KCTD8: variants seen among roughly 807,000 people sequenced by gnomAD.
The protein encoded by KCTD8 is BTB/POZ domain-containing protein KCTD8.
A neutral mutation model predicts 31.5 loss-of-function variants in KCTD8; 27 were observed. That is an observed-to-expected ratio of 0.86 (90% CI 0.63 to 1.18). The LOEUF is 1.18. KCTD8 is among the 50% of genes most tolerant of loss of function. KCTD8 has a pLI of 0.00. For synonymous variants in KCTD8, 290 were observed against 280.0 expected, an observed-to-expected ratio of 1.04 and a Z score of -0.36; for missense variants, 658 against 647.7, an observed-to-expected ratio of 1.02 and a Z score of -0.17.
At chr4:44,289,314 A>G (rs1299976128) in intron 1 of KCTD8, among the ~76,000 whole-genome samples, 2 of 152,062 alleles carry the variant, frequency 1.3e-5, no homozygotes, top group African/African-American at 4.8e-5. Context: ...TCAAAGAAAC[A>G]AAAGTATAAG....
chr4:44,408,239 T>A (rs1406735647), intron 1 of KCTD8, among the ~76,000 whole-genome samples: 3 of 152,188 alleles, frequency 2.0e-5, no homozygotes, highest in Non-Finnish European at 4.4e-5. Flanking sequence ...AGTATTAGCA[T>A]GGACAAGTGA....
intron 1 of KCTD8, among the ~76,000 whole-genome samples, chr4:44,259,327 A>G (rs1230490039): frequency 6.6e-6 from 1 of 151,930 alleles, no homozygotes; most frequent in Non-Finnish European, 1.5e-5. Context: ...TCCTTCAAAT[A>G]TAATCAGCCG....
intron 1 of KCTD8, among the ~76,000 whole-genome samples, chr4:44,307,163 T>C (rs1717828583): frequency 6.6e-6 from 1 of 152,020 alleles, no homozygotes; most frequent in African/African-American, 2.4e-5. Flanking sequence ...CTAGTCAAAA[T>C]GCACCATATC....
chr4:44,423,649 C>A (rs1024048427), intron 1 of KCTD8, among the ~76,000 whole-genome samples: 7 of 151,934 alleles, frequency 4.6e-5, no homozygotes, highest in South Asian at 4.2e-4. Flanking sequence ...GGAAAGTTAA[C>A]AGGAAATAAA....
At chr4:44,370,729 A>G (rs1448374664) in intron 1 of KCTD8, among the ~76,000 whole-genome samples, 2 of 152,206 alleles carry the variant, frequency 1.3e-5, no homozygotes, top group Admixed American at 6.5e-5. Context: ...CCCACAGGCC[A>G]TAATTGAGTT....
chr4:44,385,518 G>C (rs1720188474), intron 1 of KCTD8, among the ~76,000 whole-genome samples: 1 of 151,492 alleles, frequency 6.6e-6, no homozygotes, highest in South Asian at 2.1e-4. Context: ...AAAGAGTTTG[G>C]ACCTTTACCT....
chr4:44,342,259 C>A (rs1014421030), intron 1 of KCTD8, among the ~76,000 whole-genome samples: 3 of 151,300 alleles, frequency 2.0e-5, no homozygotes, highest in African/African-American at 7.3e-5. Context: ...GTCCCAGCTA[C>A]TCTGGAGGCT....
intron 1 of KCTD8, among the ~76,000 whole-genome samples, chr4:44,217,528 G>A (rs182323317): frequency 6.6e-6 from 1 of 152,148 alleles, no homozygotes; most frequent in Non-Finnish European, 1.5e-5. Context: ...CTAGATAGCT[G>A]GTGAAGTATT....
chr4:44,182,486 A>AC (rs956365203), intron 1 of KCTD8, among the ~76,000 whole-genome samples: 1 of 152,144 alleles, frequency 6.6e-6, no homozygotes, highest in Non-Finnish European at 1.5e-5. Flanking sequence ...CTATGACCTT[A>AC]CCCCCAACCA....
At chr4:44,410,162 C>G (rs867636233) in intron 1 of KCTD8, among the ~76,000 whole-genome samples, 1 of 152,020 alleles carries the variant, frequency 6.6e-6, no homozygotes, top group Non-Finnish European at 1.5e-5. Flanking sequence ...GGCTATAAAA[C>G]AGCAAAAATA....
intron 1 of KCTD8, among the ~76,000 whole-genome samples, chr4:44,231,357 T>G (rs1470956771): frequency 6.6e-6 from 1 of 152,178 alleles, no homozygotes; most frequent in Admixed American, 6.6e-5. Flanking sequence ...CACTGTAAGC[T>G]TGGAAATAAT....
At chr4:44,272,403 T>A (rs1366898835) in intron 1 of KCTD8, among the ~76,000 whole-genome samples, 2 of 151,994 alleles carry the variant, frequency 1.3e-5, no homozygotes, top group African/African-American at 4.8e-5. Context: ...CCATCGCTCA[T>A]ACTTAATTAT....
chr4:44,359,752 C>A (rs988283204), intron 1 of KCTD8, among the ~76,000 whole-genome samples: 4 of 151,994 alleles, frequency 2.6e-5, no homozygotes, highest in Non-Finnish European at 5.9e-5. Flanking sequence ...GTACCACAGA[C>A]CATTCTGAAT....
At chr4:44,339,267 T>C (rs1718833996) in intron 1 of KCTD8, among the ~76,000 whole-genome samples, 1 of 152,078 alleles carries the variant, frequency 6.6e-6, no homozygotes, top group Non-Finnish European at 1.5e-5. Flanking sequence ...AATCACAAAA[T>C]AAATTTTTAA....
intron 1 of KCTD8, among the ~76,000 whole-genome samples, chr4:44,410,855 G>A (rs1720935912): frequency 6.6e-6 from 1 of 152,136 alleles, no homozygotes; most frequent in Non-Finnish European, 1.5e-5. Flanking sequence ...TTAGATTTGG[G>A]TGGGGACACA....
chr4:44,344,697 G>A (rs563539460), intron 1 of KCTD8, among the ~76,000 whole-genome samples: 1 of 152,222 alleles, frequency 6.6e-6, no homozygotes, highest in South Asian at 2.1e-4. Context: ...ATGAGATGTG[G>A]TATTCTGACA....
intron 1 of KCTD8, among the ~76,000 whole-genome samples, chr4:44,216,976 T>C (rs938266826): frequency 2.6e-5 from 4 of 152,180 alleles, no homozygotes; most frequent in Non-Finnish European, 5.9e-5. Context: ...AATTGCTAAA[T>C]GCAAACATGC....
chr4:44,185,090 G>C (rs946271180), intron 1 of KCTD8, among the ~76,000 whole-genome samples: 1 of 152,190 alleles, frequency 6.6e-6, no homozygotes, highest in Non-Finnish European at 1.5e-5. Context: ...TATATTAGAA[G>C]AGGTTTCCAA....
chr4:44,359,263 C>T (rs1385303657), intron 1 of KCTD8, among the ~76,000 whole-genome samples: 7 of 151,670 alleles, frequency 4.6e-5, no homozygotes, highest in Admixed American at 1.3e-4. Context: ...ATGGTATTGC[C>T]CAGGTTTTCT....
Sources: gnomAD v4.1 joint callset for allele counts (sites outside exome capture counted in the v4.1 genomes callset) on GRCh38, gnomAD v4.1.1 for gene constraint, MANE v1.5 for transcripts, NCBI Gene and HGNC (gene_info 2026-07-23, HGNC 2026-07-21) for gene names.